The following MLPH variants were observed in gnomAD, a reference collection of about 807,000 sequenced individuals.
The protein encoded by MLPH is melanophilin.
A neutral mutation model predicts 72.1 loss-of-function variants in MLPH; 51 were observed. The observed-to-expected ratio is 0.71, with a 90% confidence interval of 0.56 to 0.89. The LOEUF is 0.89. Among genes scored for constraint, MLPH ranks in the 40% least tolerant of loss-of-function variants. The pLI is 0.00. For missense variants in MLPH, 743 were observed against 759.9 expected (o/e 0.98, Z 0.26); for synonymous variants, 301 against 310.1 (o/e 0.97, Z 0.31).
intron 13 of MLPH, among the ~76,000 whole-genome samples, chr2:237,548,361 G>C (rs905948555): frequency 6.6e-5 from 10 of 152,230 alleles, no homozygotes; most frequent in African/African-American, 1.7e-4. Flanking sequence ...CCATTTGGCT[G>C]TCTCTTCACT....
chr2:237,539,077 C>A (rs991696104), intron 9 of MLPH, among the ~76,000 whole-genome samples: 1 of 151,974 alleles, frequency 6.6e-6, no homozygotes, highest in East Asian at 1.9e-4. Flanking sequence ...TGGAGCCGGA[C>A]GTAGTGGCAG....
chr2:237,522,935 C>T (rs139237092), intron 6 of MLPH, among the ~76,000 whole-genome samples: 66 of 151,890 alleles, frequency 4.3e-4, no homozygotes, highest in African/African-American at 1.3e-3. Flanking sequence ...TACCATCAGC[C>T]GATTAGTAAG....
At chr2:237,530,421 C>A (rs892400671) in intron 8 of MLPH, among the ~76,000 whole-genome samples, 4 of 152,196 alleles carry the variant, frequency 2.6e-5, no homozygotes, top group African/African-American at 9.7e-5. Flanking sequence ...CTTAGCATGG[C>A]AATATGGGGA....
chr2:237,545,220 GACAGT>G (rs2080886507), intron 12 of MLPH, among the ~76,000 whole-genome samples: 1 of 145,054 alleles, frequency 6.9e-6, no homozygotes, highest in Non-Finnish European at 1.5e-5. Context: ...GGTGAGTGGG[GACAGT>G]GGTGAGTGGG....
At chr2:237,525,086 C>T (rs929619888) in intron 6 of MLPH, among the ~76,000 whole-genome samples, 2 of 152,208 alleles carry the variant, frequency 1.3e-5, no homozygotes, top group African/African-American at 4.8e-5. Context: ...ACCTCCTTTC[C>T]TTGGGGACAA....
intron 8 of MLPH, among the ~76,000 whole-genome samples, chr2:237,532,333 G>A (rs1208156621): frequency 6.6e-6 from 1 of 152,234 alleles, no homozygotes; most frequent in Non-Finnish European, 1.5e-5. Context: ...TCCCGACGAG[G>A]GGTAAAGACT....
intron 6 of MLPH, among the ~76,000 whole-genome samples, chr2:237,524,399 A>T (rs1559357521): frequency 6.6e-6 from 1 of 151,304 alleles, no homozygotes. Flanking sequence ...GAGCAGGGAG[A>T]GCCAGTCGGA....
In MLPH at chr2:237,540,432, A is replaced by C; in HGVS notation, c.1189A>C (p.Ser397Arg). The change falls in exon 10 of 16, where the codon AGT (serine) becomes CGT (arginine). Residue 397 changes from serine to arginine, a missense_variant. Ser to Arg is a moderately radical substitution (Grantham distance 110, BLOSUM62 -1). Coordinates refer to ENST00000264605, the MANE Select transcript of MLPH (RefSeq NM_024101.7). ...GCTGGAGGAGCTGACCAGCAACGTCAGTGACCAGGAGACCTCGTCCGAGGA... is the reference window on the plus strand; with the variant it reads ...GCTGGAGGAGCTGACCAGCAACGTCCGTGACCAGGAGACCTCGTCCGAGGA... ...RKLEELTSNV[S>R]DQETSSEEEE... is the part of the protein sequence containing the mutation. The C allele has an allele frequency of 6.2e-7, 1 of 1,612,862 alleles. No individual in the cohort carries two copies. The highest frequency in any genetic ancestry group is 8.5e-7 in the Non-Finnish European group (1 of 1,179,342).
chr2:237,523,913 G>C lies in MLPH; in HGVS notation c.676-1688G>C, dbSNP rs572414480. Among the ~76,000 whole-genome samples the C allele has an allele frequency of 1.6e-3, 233 of 144,776 alleles. 1 individual carries two copies. The highest frequency in any genetic ancestry group is 5.9e-3 in the African/African-American group (226 of 38,012). 95.0% of individuals were successfully genotyped at this position (144,776 alleles called of 152,430 possible). A position where few individuals can be genotyped will look rare whatever the true frequency, so the allele number is the denominator to read the frequency against. The stretch of plus-strand genomic sequence containing the variant: ...TGGGAGCAGTGTTTGAAGGCCTCGG[G>C]TAAGTAATATGGTTCGGCCTAGGGT... On this transcript the variant is annotated intron_variant, in intron 6 of 15. Coordinates refer to ENST00000264605, the MANE Select transcript of MLPH (RefSeq NM_024101.7).
chr2:237,542,961 C>T (rs370926199), intron 12 of MLPH, among the ~76,000 whole-genome samples: 13 of 12,706 alleles, frequency 1.0e-3, no homozygotes, highest in Admixed American at 2.2e-3. Context: ...TGAGTGGGCA[C>T]GGTAGTGAGT....
At chr2:237,548,528 G>A (rs1414831463) in intron 13 of MLPH, among the ~76,000 whole-genome samples, 1 of 152,176 alleles carries the variant, frequency 6.6e-6, no homozygotes, top group Non-Finnish European at 1.5e-5. Context: ...TGTAAAGAGA[G>A]CTACAGGCCC....
intron 2 of MLPH, among the ~76,000 whole-genome samples, chr2:237,497,491 G>A (rs2079558723): frequency 6.6e-6 from 1 of 152,180 alleles, no homozygotes; most frequent in South Asian, 2.1e-4. Context: ...CCCAGCGTGT[G>A]GGCACGCATC....
intron 4 of MLPH, chr2:237,517,975 G>GTGGA (rs1053792417): frequency 4.7e-6 from 1 of 213,636 alleles, no homozygotes; most frequent in Non-Finnish European, 9.5e-6. Context: ...GATTGATTGA[G>GTGGA]TGGATGGATG....
chr2:237,528,031 T>G (rs2080340884), intron 8 of MLPH, among the ~76,000 whole-genome samples: 1 of 152,254 alleles, frequency 6.6e-6, no homozygotes, highest in African/African-American at 2.4e-5. Flanking sequence ...CCAGTCACTC[T>G]GGACACATGC....
intron 13 of MLPH, 21 bp downstream of exon 13, chr2:237,546,704 G>GC (rs2080925964): frequency 6.2e-7 from 1 of 1,604,146 alleles, no homozygotes; most frequent in East Asian, 2.2e-5. Flanking sequence ...CTCCATTCAA[G>GC]CCCCAGACAC....
At chr2:237,525,899 C>A in intron 7 of MLPH, 94 bp downstream of exon 7, 1 of 1,247,474 alleles carries the variant, frequency 8.0e-7, no homozygotes, top group East Asian at 2.5e-5. Flanking sequence ...ATCCAACACA[C>A]GGGCTGATTT....
chr2:237,525,613 G>A lies in MLPH; in HGVS notation c.688G>A (p.Glu230Lys), dbSNP rs2080286051. The A allele has an allele frequency of 6.2e-7, 1 of 1,614,138 alleles. No homozygotes were observed. Among genetic ancestry groups the A allele is most frequent in the Admixed American group, 1.7e-5 (1 of 60,024 alleles). ...ARDSPQSLTD[E>K]SCSEKAAPHK... ...CCCATGTGCTTAGTCCCTCACAGAT[G>A]AGTCCTGCTCAGAGAAGGCAGCCCC... Residue 230 changes from glutamate to lysine, a missense_variant, in exon 7 of 16, where the codon GAG (glutamate) becomes AAG (lysine). Coordinates refer to ENST00000264605, the MANE Select transcript of MLPH (RefSeq NM_024101.7).
chr2:237,553,545 A>C (rs760063840), intron 15 of MLPH, 21 bp from the exon 16 acceptor site: 1 of 1,613,086 alleles, frequency 6.2e-7, no homozygotes, highest in South Asian at 1.1e-5. Flanking sequence ...TTATATGTGC[A>C]TGTGTGTTTG....
chr2:237,533,382 TTTC>T (rs1233330583), intron 8 of MLPH, among the ~76,000 whole-genome samples: 1 of 144,568 alleles, frequency 6.9e-6, no homozygotes, highest in Non-Finnish European at 1.5e-5. Context: ...TCTTCTCTAT[TTTC>T]TTTTCTTTTT....
Sources: allele counts gnomAD v4.1 joint callset (sites outside exome capture counted in the v4.1 genomes callset), GRCh38; gene constraint gnomAD v4.1.1; transcripts MANE v1.5; gene names NCBI Gene and HGNC (gene_info 2026-07-23, HGNC 2026-07-21).